FUBP3: variants seen among roughly 807,000 people sequenced by gnomAD.
The protein encoded by FUBP3 is far upstream element-binding protein 3.
In FUBP3, 28 loss-of-function variants were observed where a neutral mutation model predicts 85.6. The observed-to-expected ratio is 0.33, with a 90% CI of 0.24 to 0.45. The LOEUF (loss-of-function observed/expected upper bound fraction) is 0.45, where lower values mean the gene tolerates loss of function less well. FUBP3 is among the 20% of genes least tolerant of loss of function. FUBP3 has a pLI of 1.00. For missense variants in FUBP3, 583 were observed against 755.1 expected (o/e 0.77, Z 2.67); for synonymous variants, 271 against 271.4 (o/e 1.00, Z 0.01).
At chr9:130,633,621 G>C (rs889490857) in intron 16 of FUBP3, among the ~76,000 whole-genome samples, 1 of 152,244 alleles carries the variant, frequency 6.6e-6, no homozygotes, top group East Asian at 1.9e-4. Flanking sequence ...TTATTCAGGG[G>C]TTTTGCAGTG....
intron 1 of FUBP3, chr9:130,580,560 G>A (rs1316456313): frequency 3.3e-5 from 5 of 152,146 alleles, no homozygotes; most frequent in Admixed American, 2.6e-4. Flanking sequence ...CAGCTTCCTC[G>A]GTTAAGTGTC....
chr9:130,596,975 C>T (rs1420462134), intron 2 of FUBP3, among the ~76,000 whole-genome samples: 1 of 152,044 alleles, frequency 6.6e-6, no homozygotes, highest in Non-Finnish European at 1.5e-5. Flanking sequence ...GCTATAGTCA[C>T]CCTGTTGTGC....
chr9:130,605,971 G>A (rs1831409134), intron 2 of FUBP3, among the ~76,000 whole-genome samples: 1 of 152,148 alleles, frequency 6.6e-6, no homozygotes, highest in South Asian at 2.1e-4. Context: ...GAGACAGAGC[G>A]AGACTCTGTC....
At chr9:130,624,937 T>G (rs1829910155) in intron 11 of FUBP3, among the ~76,000 whole-genome samples, 1 of 152,016 alleles carries the variant, frequency 6.6e-6, no homozygotes, top group African/African-American at 2.4e-5. Context: ...AATACAAAAT[T>G]AGCTGGACGT....
At chr9:130,591,182 C>T (rs907465278) in intron 1 of FUBP3, among the ~76,000 whole-genome samples, 4 of 152,130 alleles carry the variant, frequency 2.6e-5, no homozygotes, top group South Asian at 2.1e-4. Flanking sequence ...CGGTGGCTCA[C>T]GCCTGTAATC....
chr9:130,584,385 G>T (rs1368836168), intron 1 of FUBP3, among the ~76,000 whole-genome samples: 2 of 151,854 alleles, frequency 1.3e-5, no homozygotes, highest in Non-Finnish European at 2.9e-5. Flanking sequence ...AAAATTAGCT[G>T]GGTGTGGTGG....
rs1830244193 is a variant in FUBP3, at chr9:130,632,271, G to C, written c.1503G>C (p.Gln501His). ...AGGCGTGGCAGCAGCCCACACAGCA[G>C]GTCCCAAGTAAGTGACTCGGGGCGG... Reference protein sequence around the residue: ...TYQAWQQPTQQVPSQQSQPQS... With the variant: ...TYQAWQQPTQHVPSQQSQPQS... Residue 501 changes from glutamine (Q) to histidine (H), a missense_variant, in exon 16 of 19, where the codon CAG (glutamine) becomes CAC (histidine). This residue lies in a region of FUBP3 where 404 missense variants were observed against 516.8 expected (regional missense o/e 0.78). Transcript: ENST00000319725. The C allele has an allele frequency of 6.2e-7, 1 of 1,613,062 alleles. No homozygotes were observed. Among genetic ancestry groups the C allele is most frequent in the Non-Finnish European group, 8.5e-7 (1 of 1,179,444 alleles).
In FUBP3 at chr9:130,616,576, G is replaced by A; in HGVS notation, c.567+59G>A. The A allele has an allele frequency of 1.3e-6, 2 of 1,528,888 alleles. No homozygotes were observed. Among genetic ancestry groups the A allele is most frequent in the Non-Finnish European group, 9.0e-7 (1 of 1,105,858 alleles). 94.7% of individuals were successfully genotyped at this position (1,528,888 alleles called of 1,614,324 possible). A position where few individuals can be genotyped will look rare whatever the true frequency, so the allele number is the denominator to read the frequency against. Reference sequence around the variant, plus strand: ...GCTCGCAGCAGGTCTTCAGCTTCCTGGCCCAGGAGATCTGCTTACGGCTGG... The same window carrying A: ...GCTCGCAGCAGGTCTTCAGCTTCCTAGCCCAGGAGATCTGCTTACGGCTGG... On this transcript the variant is annotated intron_variant, in intron 7 of 18. Transcript: ENST00000319725. This position sits in a 1 kb window ranked among gnomAD's most constrained non-coding sequence, Gnocchi z 4.7.
intron 13 of FUBP3, chr9:130,631,079 T>C: frequency 1.9e-6 from 2 of 1,057,262 alleles, no homozygotes; most frequent in Non-Finnish European, 2.4e-6. Context: ...GGCGGCAGCC[T>C]CCCCCCACGC....
intron 1 of FUBP3, among the ~76,000 whole-genome samples, chr9:130,584,145 C>CA (rs2118997916): frequency 6.6e-6 from 1 of 152,318 alleles, no homozygotes; most frequent in Admixed American, 6.5e-5. Context: ...CCACAGTTCT[C>CA]AAACTTGTGG....
chr9:130,603,834 TAC>T (rs1221189463), intron 2 of FUBP3, among the ~76,000 whole-genome samples: 3 of 152,132 alleles, frequency 2.0e-5, no homozygotes, highest in Non-Finnish European at 4.4e-5. Flanking sequence ...CTCTCTCGAA[TAC>T]AGTTTGGGAG....
chr9:130,615,937 G>A (rs1564210468), intron 6 of FUBP3, among the ~76,000 whole-genome samples: 1 of 152,192 alleles, frequency 6.6e-6, no homozygotes, highest in Non-Finnish European at 1.5e-5. Context: ...TCTCTCTCCT[G>A]CCTGCATTTA....
intron 2 of FUBP3, among the ~76,000 whole-genome samples, chr9:130,606,572 G>A (rs1489834563): frequency 3.3e-5 from 5 of 152,080 alleles, no homozygotes; most frequent in African/African-American, 1.2e-4. Flanking sequence ...TGTAATCCCA[G>A]CACTTTGGGA....
chr9:130,581,522 G>A (rs1038509859), intron 1 of FUBP3: 1 of 152,184 alleles, frequency 6.6e-6, no homozygotes, highest in Non-Finnish European at 1.5e-5. Context: ...AGGTTGGTGG[G>A]TAATTTTAGG....
chr9:130,634,573 TGGA>T (rs941861227), intron 16 of FUBP3, 91 bp from the exon 17 acceptor site: 4 of 945,918 alleles, frequency 4.2e-6, no homozygotes, highest in Non-Finnish European at 4.9e-6. Context: ...AGGAGCGAGG[TGGA>T]GGAGTGCAGG....
At chr9:130,604,677 CA>C (rs574416840) in intron 2 of FUBP3, among the ~76,000 whole-genome samples, 26 of 152,266 alleles carry the variant, frequency 1.7e-4, no homozygotes, top group Admixed American at 5.9e-4. Flanking sequence ...GCAGACAGAT[CA>C]ACGAGGTCAG....
chr9:130,588,591 C>T (rs915780246), intron 1 of FUBP3, among the ~76,000 whole-genome samples: 2 of 152,192 alleles, frequency 1.3e-5, no homozygotes, highest in African/African-American at 4.8e-5. Flanking sequence ...TAGTGCTTTA[C>T]ATTTGTTATC....
intron 2 of FUBP3, among the ~76,000 whole-genome samples, chr9:130,602,254 T>A (rs80011168): frequency 4.1e-4 from 62 of 152,238 alleles, no homozygotes; most frequent in African/African-American, 1.5e-3. Flanking sequence ...TTGGAACATA[T>A]CCCTCATGGA....
intron 10 of FUBP3, among the ~76,000 whole-genome samples, 193 bp downstream of exon 10, chr9:130,623,003 C>T (rs952560860): frequency 3.0e-4 from 45 of 152,270 alleles, no homozygotes; most frequent in African/African-American, 9.9e-4. Context: ...TTTCCCTCCC[C>T]GGATACATGT....
Sources: allele counts gnomAD v4.1 joint callset (sites outside exome capture counted in the v4.1 genomes callset), GRCh38; gene constraint gnomAD v4.1.1; regional missense constraint gnomAD v4.1.1; non-coding constraint Gnocchi (gnomAD v3.1); transcripts MANE v1.5; gene names NCBI Gene and HGNC (gene_info 2026-07-23, HGNC 2026-07-21).